Variants in RAB11FIP3 observed in about 807,000 individuals in gnomAD.
RAB11FIP3 encodes RAB11 family interacting protein 3.
In RAB11FIP3, 17 loss-of-function variants were observed where a neutral mutation model predicts 77.8. The observed-to-expected ratio is 0.22, with a 90% CI of 0.15 to 0.33. The LOEUF is 0.33. RAB11FIP3 is among the 10% of genes least tolerant of loss of function. The probability of loss-of-function intolerance (pLI) is 1.00; values close to 1 mark genes in which losing one functional copy is unlikely to be tolerated. For synonymous variants in RAB11FIP3, 437 were observed against 448.2 expected (o/e 0.98, Z 0.31); for missense variants, 1,005 against 1,011.2 (o/e 0.99, Z 0.08).
intron 2 of RAB11FIP3, among the ~76,000 whole-genome samples, chr16:464,184 CAGG>C (rs1241867434): frequency 6.6e-6 from 1 of 152,036 alleles, no homozygotes; most frequent in Admixed American, 6.5e-5. Flanking sequence ...GCAGCATTGG[CAGG>C]AGAAGGGGGA....
intron 5 of RAB11FIP3, 107 bp from the exon 6 acceptor site, chr16:496,717 G>A: frequency 8.8e-7 from 1 of 1,142,416 alleles, no homozygotes; most frequent in Non-Finnish European, 1.3e-6. Flanking sequence ...CGGGAGCATT[G>A]CTGAAAGGCC....
chr16:512,593 G>C (rs1459268578), intron 9 of RAB11FIP3, among the ~76,000 whole-genome samples: 1 of 141,550 alleles, frequency 7.1e-6, no homozygotes, highest in Non-Finnish European at 1.5e-5. Flanking sequence ...GCCCAGGCTA[G>C]AGTGCAGTGG....
Position 505,077 on chromosome 16 carries a change from C to T in RAB11FIP3, c.1396-447C>T, listed in dbSNP as rs1399441735. On this transcript the variant is annotated intron_variant, in intron 7 of 13. Coordinates refer to ENST00000262305, the MANE Select transcript of RAB11FIP3 (RefSeq NM_014700.4). This position sits in a 1 kb window ranked among gnomAD's most constrained non-coding sequence, Gnocchi z 4.0. ...CTGCTCCCTTCACTCCTTCTCCTAC[C>T]TCCGCAGGTGTCTGATTCTCATCTT... is the stretch of plus-strand genomic sequence containing the variant. Among the ~76,000 whole-genome samples, 2 of 150,666 alleles carry T rather than the reference C, an allele frequency of 1.3e-5. No individual in the cohort carries two copies. The highest frequency in any genetic ancestry group is 1.5e-5 in the Non-Finnish European group (1 of 67,798).
At chr16:476,882 A>C (rs1350492651) in intron 3 of RAB11FIP3, among the ~76,000 whole-genome samples, 13 of 152,066 alleles carry the variant, frequency 8.5e-5, no homozygotes, top group East Asian at 1.9e-4. Flanking sequence ...CAAGGTCAGG[A>C]GTTCGAGACC....
At position 439,459 on chromosome 16, in the gene RAB11FIP3, C is replaced by G. The variant is rs534773946; in HGVS notation, c.714+12739C>G. 7 of 152,344 alleles carry G rather than the reference C, an allele frequency of 4.6e-5. No homozygotes were observed. In the East Asian group the frequency reaches 1.4e-3, roughly 29 times the overall value. 9.4% of individuals were successfully genotyped at this position (152,344 alleles called of 1,614,324 possible). A position where few individuals can be genotyped will look rare whatever the true frequency, so the allele number is the denominator to read the frequency against. On this transcript the variant is annotated intron_variant, in intron 1 of 13. Transcript: ENST00000262305. ...CATCTTGTGATATTCTTGTGTTTAT[C>G]ATAAGTTTCAAAACAGGGCTCATGT...
At position 461,446 on chromosome 16, in the gene RAB11FIP3, G is replaced by T. The variant is rs201432147; in HGVS notation, c.757G>T (p.Val253Leu). The change falls in exon 2 of 14, where the codon GTG becomes TTG. Residue 253 changes from valine (V) to leucine (L), a missense_variant. Coordinates refer to ENST00000262305, the MANE Select transcript of RAB11FIP3 (RefSeq NM_014700.4). The surrounding 1 kb of genome is among the most constrained non-coding windows in gnomAD (Gnocchi z 4.5). ...GTACTTGGATCCCAGTGGGCTCGGCGTGATCAGCTTTGAAGACTTCTACCA... is the reference window on the plus strand; with the variant it reads ...GTACTTGGATCCCAGTGGGCTCGGCTTGATCAGCTTTGAAGACTTCTACCA... ...TKYLDPSGLG[V>L]ISFEDFYQGI... 3.7e-6 allele frequency: 6 copies of T among 1,613,984 alleles called. No individual in the cohort carries two copies. The highest frequency in any genetic ancestry group is 5.1e-6 in the Non-Finnish European group (6 of 1,179,986).
At position 425,707 on chromosome 16, in the gene RAB11FIP3, C is replaced by T. The variant is rs879159511; in HGVS notation, c.-300C>T. 21 of 293,104 alleles carry T rather than the reference C, an allele frequency of 7.2e-5. No individual in the cohort carries two copies. Among genetic ancestry groups the T allele is most frequent in the East Asian group, 5.4e-4 (10 of 18,582 alleles). 18.2% of individuals were successfully genotyped at this position (293,104 alleles called of 1,614,324 possible). On this transcript the variant is annotated 5_prime_UTR_variant, in exon 1 of 14. Coordinates refer to ENST00000262305, the MANE Select transcript of RAB11FIP3 (RefSeq NM_014700.4). ...CTCCGCGGCCTCCGGCCTCCTCGGCCCCCGTCCCCCGGCCTCCTCGGCCCC... is the reference window on the plus strand; with the variant it reads ...CTCCGCGGCCTCCGGCCTCCTCGGCTCCCGTCCCCCGGCCTCCTCGGCCCC...
chr16:496,842 C>T lies in RAB11FIP3; in HGVS notation c.1284C>T (p.Ser428=). 3 of 1,596,670 alleles carry T rather than the reference C, an allele frequency of 1.9e-6. No individual in the cohort carries two copies. Among genetic ancestry groups the T allele is most frequent in the South Asian group, 1.1e-5 (1 of 90,704 alleles). ...TGCACAGTCCGACAAAGCGGCTCTC[C>T]AGCAAGAAGGTGGCAAGGTAGGTGG... ...FLTPSPTKRL[S]SKKVARYLHQ... is the part of the protein sequence containing the mutation. The change falls in exon 6 of 14, where the codon TCC becomes TCT. Residue 428 remains serine (S), a synonymous_variant. Coordinates refer to ENST00000262305, the MANE Select transcript of RAB11FIP3 (RefSeq NM_014700.4).
chr16:476,113 C>T (rs1169676929), intron 3 of RAB11FIP3, among the ~76,000 whole-genome samples: 1 of 152,210 alleles, frequency 6.6e-6, no homozygotes, highest in African/African-American at 2.4e-5. Flanking sequence ...ACCTTGGCCT[C>T]CCAAAGTGCT....
chr16:499,840 G>A (rs1036847136), intron 6 of RAB11FIP3, among the ~76,000 whole-genome samples: 1 of 149,430 alleles, frequency 6.7e-6, no homozygotes, highest in African/African-American at 2.5e-5. Context: ...GTTATCTGTC[G>A]TTAGAGTTTA....
chr16:426,287 C>T lies in RAB11FIP3; in HGVS notation c.281C>T (p.Ser94Phe). Residue 94 changes from serine (S) to phenylalanine (F), a missense_variant, in exon 1 of 14, where the codon TCC becomes TTC. Physicochemically the swap from Ser to Phe is radical, Grantham distance 155. Transcript: ENST00000262305. The surrounding 1 kb of genome is among the most constrained non-coding windows in gnomAD (Gnocchi z 5.0). ...GGGCCGTCCGCCCCGCCGCCGCGCT[C>T]CGGCCCGCGGGGGCAGCTTGCGAGC... ...DPGPSAPPPR[S>F]GPRGQLASPD... 1 of 1,241,180 alleles carries T rather than the reference C, an allele frequency of 8.1e-7. No homozygotes were observed. Among genetic ancestry groups the T allele is most frequent in the Non-Finnish European group, 1.0e-6 (1 of 995,356 alleles). The allele number at this position is 1,241,180 out of a possible 1,614,324, so 76.9% of individuals were successfully genotyped here.
rs979925015 is a variant in RAB11FIP3, at chr16:506,950, G to C, written c.1499+1323G>C. 6.6e-6 allele frequency among the ~76,000 whole-genome samples: 1 copy of C among 152,128 alleles called. No individual in the cohort carries two copies. Among genetic ancestry groups the C allele is most frequent in the East Asian group, 1.9e-4 (1 of 5,186 alleles). On this transcript the variant is annotated intron_variant, in intron 8 of 13. Transcript: ENST00000262305. This position sits in a 1 kb window ranked among gnomAD's most constrained non-coding sequence, Gnocchi z 4.5. ...CTCCTTGTCAAGGAGAATCCGGGGG[G>C]CTGCCAGATGCACTTGTTTTGTTTT...
chr16:459,875 CTTTT>C (rs1170379362), intron 1 of RAB11FIP3, among the ~76,000 whole-genome samples: 23 of 119,338 alleles, frequency 1.9e-4, no homozygotes, highest in African/African-American at 6.5e-4. Context: ...ATTGAGTTGT[CTTTT>C]TTTTTTTTTT....
chr16:491,402 C>A (rs1211037519), intron 5 of RAB11FIP3: 1 of 950,704 alleles, frequency 1.1e-6, no homozygotes, highest in Non-Finnish European at 1.4e-6. Flanking sequence ...TGGGGCCCCG[C>A]CTCCCACCCT....
At chr16:452,421 A>G (rs2055423886) in intron 1 of RAB11FIP3, 1 of 151,786 alleles carries the variant, frequency 6.6e-6, no homozygotes, top group South Asian at 2.1e-4. Context: ...GGACACATCT[A>G]TTTCTTTATT....
At chr16:492,513 G>C (rs1481967956) in intron 5 of RAB11FIP3, among the ~76,000 whole-genome samples, 21 of 104,870 alleles carry the variant, frequency 2.0e-4, no homozygotes, top group African/African-American at 2.8e-4. Flanking sequence ...GCCGCCCAGG[G>C]CCCTCCCGGG....
rs759459133 is a variant in RAB11FIP3, at chr16:426,340, T to C, written c.334T>C (p.Ser112Pro). The change falls in exon 1 of 14, where the codon TCC (serine) becomes CCC (proline). Residue 112 changes from serine (S) to proline (P), a missense_variant. Ser to Pro is a moderately conservative substitution (Grantham distance 74). Transcript: ENST00000262305. This position sits in a 1 kb window ranked among gnomAD's most constrained non-coding sequence, Gnocchi z 5.0. ...CGACGCCCCGGGCCCAGGGCCGCGC[T>C]CCGAAGCGCCGCTTCCAGAACTCGA... ...SPDAPGPGPR[S>P]EAPLPELDPL... is the part of the protein sequence containing the mutation. The C allele has an allele frequency of 7.3e-6, 11 of 1,498,308 alleles. No homozygotes were observed. Among genetic ancestry groups the C allele is most frequent in the South Asian group, 2.5e-5 (2 of 79,628 alleles). The allele number at this position is 1,498,308 out of a possible 1,614,324, so 92.8% of individuals were successfully genotyped here. A position where few individuals can be genotyped will look rare whatever the true frequency, so the allele number is the denominator to read the frequency against.
intron 1 of RAB11FIP3, among the ~76,000 whole-genome samples, chr16:447,582 A>G (rs1437933962): frequency 6.6e-6 from 1 of 152,132 alleles, no homozygotes; most frequent in African/African-American, 2.4e-5. Context: ...CTAATAGTAC[A>G]AAAAAATTAG....
At chr16:449,267 C>G (rs1329281474) in intron 1 of RAB11FIP3, among the ~76,000 whole-genome samples, 1 of 152,202 alleles carries the variant, frequency 6.6e-6, no homozygotes, top group Non-Finnish European at 1.5e-5. Context: ...TCTCACAGCG[C>G]TGTCACCAGG....
Sources: allele counts gnomAD v4.1 joint callset (sites outside exome capture counted in the v4.1 genomes callset), GRCh38; gene constraint gnomAD v4.1.1; non-coding constraint Gnocchi (gnomAD v3.1); transcripts MANE v1.5; gene names NCBI Gene and HGNC (gene_info 2026-07-23, HGNC 2026-07-21).